DRD3: variants seen among roughly 807,000 people sequenced by gnomAD.
DRD3 encodes the protein dopamine receptor D3.
In DRD3, 19 loss-of-function variants were observed where a neutral mutation model predicts 36.3. That is an observed-to-expected ratio of 0.52 (90% CI 0.36 to 0.77). DRD3 has a LOEUF of 0.77. Among genes scored for constraint, DRD3 ranks in the 30% least tolerant of loss-of-function variants. The pLI, the probability that DRD3 is intolerant of heterozygous loss-of-function variation, is 0.00. For synonymous variants in DRD3, 195 were observed against 203.7 expected, an observed-to-expected ratio of 0.96 and a Z score of 0.36; for missense variants, 465 against 505.3, an observed-to-expected ratio of 0.92 and a Z score of 0.77.
chr3:114,179,446 C>G (rs1260137180), upstream of DRD3, among the ~76,000 whole-genome samples: 1 of 152,152 alleles, frequency 6.6e-6, no homozygotes, highest in Non-Finnish European at 1.5e-5. Flanking sequence ...GTTTACTTAG[C>G]AGCACTTCTT....
intron 1 of DRD3, among the ~76,000 whole-genome samples, chr3:114,195,861 C>T (rs529841862): frequency 8.1e-4 from 123 of 152,208 alleles, no homozygotes; most frequent in Non-Finnish European, 1.4e-3. Flanking sequence ...GGGACTAAGA[C>T]TTGGGCAGAG....
intron 2 of DRD3, among the ~76,000 whole-genome samples, chr3:114,163,796 A>G (rs889805072): frequency 1.3e-5 from 2 of 152,278 alleles, no homozygotes; most frequent in South Asian, 2.1e-4. Context: ...GTGAATGGGT[A>G]TGGGTGAACT....
At chr3:114,186,844 T>G (rs1372999769) in intron 1 of DRD3, among the ~76,000 whole-genome samples, 1 of 152,268 alleles carries the variant, frequency 6.6e-6, no homozygotes, top group Non-Finnish European at 1.5e-5. Context: ...TGGTGCTTCC[T>G]ACTCCACCAT....
chr3:114,157,026 CT>C (rs1463721333), intron 3 of DRD3, among the ~76,000 whole-genome samples: 5 of 126,156 alleles, frequency 4.0e-5, no homozygotes, highest in East Asian at 4.5e-4. Context: ...TTCTTTCTTT[CT>C]TTTTTTCTTT....
At chr3:114,188,013 G>A (rs958066319) in intron 1 of DRD3, among the ~76,000 whole-genome samples, 7 of 152,104 alleles carry the variant, frequency 4.6e-5, no homozygotes, top group Admixed American at 2.6e-4. Flanking sequence ...GCAAATACCT[G>A]AGCATCTCCC....
chr3:114,186,221 A>G (rs1382149709), intron 1 of DRD3, among the ~76,000 whole-genome samples: 1 of 152,194 alleles, frequency 6.6e-6, no homozygotes, highest in African/African-American at 2.4e-5. Flanking sequence ...TTTTTAAAAA[A>G]TGGAAGCGAT....
rs2077924430 is a variant in DRD3 at position 114,178,655 on chromosome 3, A to G, written c.-36+2T>C. On this transcript the variant is annotated splice_donor_variant, in intron 1 of 6. Transcript: ENST00000383673. LOFTEE classifies it low-confidence loss of function (5UTR_SPLICE). ...TTAGAAACGAAAAGAAAAATTACTT[A>G]CCCTAAAATTTTCTTCTGATTTCTG... 1 of 152,112 alleles carries G rather than the reference A, an allele frequency of 6.6e-6. No individual in the cohort carries two copies. Among genetic ancestry groups the G allele is most frequent in the African/African-American group, 2.4e-5 (1 of 41,430 alleles). The allele number at this position is 152,112 out of a possible 1,614,324, so 9.4% of individuals were successfully genotyped here. A position where few individuals can be genotyped will look rare whatever the true frequency, so the allele number is the denominator to read the frequency against.
intron 1 of DRD3, among the ~76,000 whole-genome samples, chr3:114,196,033 T>C (rs1276289669): frequency 6.6e-6 from 1 of 152,224 alleles, no homozygotes; most frequent in African/African-American, 2.4e-5. Context: ...AGGTAACCTT[T>C]GGAATACCTT....
At chr3:114,164,208 G>C (rs1263244706) in intron 2 of DRD3, among the ~76,000 whole-genome samples, 9 of 77,034 alleles carry the variant, frequency 1.2e-4, no homozygotes, top group Non-Finnish European at 9.2e-5. Context: ...GTGATAGAGC[G>C]AGCCTCAGTC....
intron 4 of DRD3, among the ~76,000 whole-genome samples, 159 bp downstream of exon 4, chr3:114,147,256 C>A (rs1375555666): frequency 6.6e-6 from 1 of 151,964 alleles, no homozygotes; most frequent in Non-Finnish European, 1.5e-5. Flanking sequence ...TTATTTATAA[C>A]CCACAAAGGC....
chr3:114,194,865 T>C (rs1421849866), intron 1 of DRD3, among the ~76,000 whole-genome samples: 3 of 151,662 alleles, frequency 2.0e-5, no homozygotes, highest in Non-Finnish European at 4.4e-5. Flanking sequence ...TAAAACAAAG[T>C]CTCCTGCTGT....
At chr3:114,129,303 A>G (rs2077405854) in intron 6 of DRD3, among the ~76,000 whole-genome samples, 1 of 152,074 alleles carries the variant, frequency 6.6e-6, no homozygotes, top group Non-Finnish European at 1.5e-5. Context: ...AGATTGCGCC[A>G]TTGCACTCCG....
chr3:114,173,512 G>T (rs766551690), intron 1 of DRD3, among the ~76,000 whole-genome samples: 1 of 152,168 alleles, frequency 6.6e-6, no homozygotes, highest in Non-Finnish European at 1.5e-5. Context: ...GGGAGACTGT[G>T]CCATAAATGT....
At chr3:114,165,305 A>G (rs1244358188) in intron 2 of DRD3, among the ~76,000 whole-genome samples, 1 of 152,110 alleles carries the variant, frequency 6.6e-6, no homozygotes, top group East Asian at 1.9e-4. Flanking sequence ...AAGGAGGGTT[A>G]AAAAGTTAAA....
chr3:114,157,783 A>C lies in DRD3; in HGVS notation c.383+1972T>G, dbSNP rs548921642. On this transcript the variant is annotated intron_variant, in intron 3 of 6. Transcript: ENST00000383673. ...AAAGAACATGTCCACAATGCTGAAA[A>C]TAATACCATTAAAGAGTGTGTTTAA... 7.9e-5 allele frequency among the ~76,000 whole-genome samples: 12 copies of C among 152,216 alleles called. No homozygotes were observed. In the South Asian group the frequency reaches 1.9e-3, roughly 24 times the overall value.
chr3:114,147,498 C>G lies in DRD3; in HGVS notation c.443G>C (p.Arg148Pro), dbSNP rs201384232. 9 of 1,614,060 alleles carry G rather than the reference C, an allele frequency of 5.6e-6. No homozygotes were observed. Among genetic ancestry groups the G allele is most frequent in the Non-Finnish European group, 7.6e-6 (9 of 1,180,028 alleles). Residue 148 changes from arginine to proline, a missense_variant, in exon 4 of 7, where the codon CGG becomes CCG. Physicochemically the swap from Arg to Pro is moderately radical, Grantham distance 103 (BLOSUM62 -2). Transcript: ENST00000383673. ...GGCCGTGATCATGAGGGCCACGCGC[C>G]GACAGGAGCTCTGTCCCGTGCCATG... ...YQHGTGQSSC[R>P]RVALMITAVW...
intron 2 of DRD3, among the ~76,000 whole-genome samples, chr3:114,167,551 C>A (rs1214064452): frequency 1.3e-5 from 2 of 152,144 alleles, no homozygotes; most frequent in East Asian, 3.9e-4. Context: ...ACTTATCTGC[C>A]AGGCTTGAGG....
intron 3 of DRD3, among the ~76,000 whole-genome samples, chr3:114,156,751 C>CTT (rs1319434734): frequency 3.0e-4 from 30 of 99,010 alleles, no homozygotes; most frequent in African/African-American, 8.4e-4. Context: ...CTTTTTCTTT[C>CTT]TTTCTTTCTT....
intron 2 of DRD3, among the ~76,000 whole-genome samples, chr3:114,168,408 C>T (rs574401263): frequency 5.3e-5 from 8 of 152,318 alleles, no homozygotes; most frequent in Non-Finnish European, 7.3e-5. Context: ...CCCACCCCTA[C>T]ATCTTTTATA....
Sources: allele counts gnomAD v4.1 joint callset (sites outside exome capture counted in the v4.1 genomes callset), GRCh38; gene constraint gnomAD v4.1.1; transcripts MANE v1.5; gene names NCBI Gene and HGNC (gene_info 2026-07-23, HGNC 2026-07-21).